LMO7: variants seen among roughly 807,000 people sequenced by gnomAD.
LMO7 encodes the protein LIM domain only protein 7.
A neutral mutation model predicts 206.5 loss-of-function variants in LMO7; 120 were observed. The ratio of observed to expected loss-of-function variants is 0.58; its 90% CI spans 0.50 to 0.68. The LOEUF (loss-of-function observed/expected upper bound fraction) is 0.68, where lower values mean the gene tolerates loss of function less well. Ranked by LOEUF, LMO7 falls within the 30% of genes least tolerant of loss-of-function variation. The pLI is 0.00. For missense variants in LMO7, 1,959 were observed against 1,957.9 expected, an observed-to-expected ratio of 1.00 and a Z score of -0.01; for synonymous variants, 706 against 681.5, an observed-to-expected ratio of 1.04 and a Z score of -0.56.
intron 12 of LMO7, among the ~76,000 whole-genome samples, 155 bp downstream of exon 12, chr13:75,817,433 CT>C (rs200999866): frequency 6.9e-4 from 104 of 151,320 alleles, no homozygotes; most frequent in Admixed American, 1.4e-3. Flanking sequence ...ATTTTTAAAC[CT>C]TTTTTTTTCT....
rs1415343558 is a variant in LMO7 at position 75,824,743 on chromosome 13, C to A, written c.2949+870C>A. ...TGGTTTAGTATTCCCTGTTGCCCTG[C>A]AAAACATTAAGTGTGTATTATATAC... On this transcript the variant is annotated intron_variant, in intron 15 of 30. Coordinates refer to ENST00000377534, the MANE Select transcript of LMO7 (RefSeq NM_001306080.2). 2.0e-5 allele frequency among the ~76,000 whole-genome samples: 3 copies of A among 151,878 alleles called. No individual in the cohort carries two copies. In the East Asian group the frequency reaches 5.8e-4, roughly 29 times the overall value.
At chr13:75,751,137 CTTTTTTCAGCTCTTTTT>C (rs2047232713) in intron 3 of LMO7, among the ~76,000 whole-genome samples, 1 of 111,086 alleles carries the variant, frequency 9.0e-6, no homozygotes, top group South Asian at 3.3e-4. Flanking sequence ...GTACTCAGCT[CTTTTTTCAGCTCTTTTT>C]TTTTTTTTTT....
In LMO7 at chr13:75,683,227, C is replaced by T. The variant is rs181664016; in HGVS notation, c.70-29955C>T. Among the ~76,000 whole-genome samples the T allele has an allele frequency of 4.7e-3, 711 of 152,086 alleles. 5 individuals carry two copies. Among genetic ancestry groups the T allele is most frequent in the Non-Finnish European group, 6.8e-3 (464 of 67,990 alleles). ...GTAAAAGTTTTAATTTGGATGAAATCCAGTTCATCTCTTTTCCCCTTCTAT... is the reference window on the plus strand; with the variant it reads ...GTAAAAGTTTTAATTTGGATGAAATTCAGTTCATCTCTTTTCCCCTTCTAT... On this transcript the variant is annotated intron_variant, in intron 1 of 30. Transcript: ENST00000377534.
intron 2 of LMO7, among the ~76,000 whole-genome samples, chr13:75,723,560 G>C (rs2044212522): frequency 6.6e-6 from 1 of 152,164 alleles, no homozygotes; most frequent in African/African-American, 2.4e-5. Context: ...ATTAGAAATA[G>C]AGCATCAAAT....
At chr13:75,833,999 C>A (rs908487923) in intron 16 of LMO7, among the ~76,000 whole-genome samples, 1 of 152,022 alleles carries the variant, frequency 6.6e-6, no homozygotes, top group Non-Finnish European at 1.5e-5. Context: ...ATGAGTTTAT[C>A]ATTTTTCCTT....
intron 23 of LMO7, 90 bp from the exon 24 acceptor site, chr13:75,841,538 G>T: frequency 2.2e-6 from 2 of 924,172 alleles, no homozygotes; most frequent in Non-Finnish European, 3.3e-6. Context: ...ACTATAGTTA[G>T]TAGCATCTAA....
At chr13:75,808,435 A>G (rs921382157) in intron 10 of LMO7, among the ~76,000 whole-genome samples, 1 of 152,222 alleles carries the variant, frequency 6.6e-6, no homozygotes, top group East Asian at 1.9e-4. Flanking sequence ...CTGTATATAC[A>G]TAAACCTTGC....
intron 4 of LMO7, among the ~76,000 whole-genome samples, chr13:75,779,751 T>C (rs1338093255): frequency 6.6e-6 from 1 of 152,188 alleles, no homozygotes; most frequent in Non-Finnish European, 1.5e-5. Flanking sequence ...GACAAGTAGC[T>C]TTATACAAGT....
intron 1 of LMO7, among the ~76,000 whole-genome samples, chr13:75,664,102 C>T (rs1267899011): frequency 6.6e-6 from 1 of 152,052 alleles, no homozygotes; most frequent in Non-Finnish European, 1.5e-5. Flanking sequence ...TTTTTTGTAA[C>T]CATTAACCGT....
chr13:75,670,996 T>G (rs118022095), intron 1 of LMO7, among the ~76,000 whole-genome samples: 1,967 of 150,324 alleles, frequency 0.013, 27 homozygotes, highest in Non-Finnish European at 0.022. Context: ...TATTTAAACT[T>G]TCTTGTTAAA....
At chr13:75,786,463 C>T (rs981522765) in intron 4 of LMO7, among the ~76,000 whole-genome samples, 1 of 151,848 alleles carries the variant, frequency 6.6e-6, no homozygotes, top group African/African-American at 2.4e-5. Flanking sequence ...CAAGCTCCAC[C>T]TCCCAAGTTC....
At chr13:75,717,260 G>A (rs2043621538) in intron 2 of LMO7, among the ~76,000 whole-genome samples, 1 of 151,432 alleles carries the variant, frequency 6.6e-6, no homozygotes, top group South Asian at 2.1e-4. Context: ...CTACTCGGGA[G>A]GCTGAGGCAG....
At chr13:75,729,892 G>C (rs902615899) in intron 3 of LMO7, among the ~76,000 whole-genome samples, 5 of 151,380 alleles carry the variant, frequency 3.3e-5, no homozygotes, top group African/African-American at 1.2e-4. Context: ...TAATCATGTG[G>C]TTTTTGTCTT....
intron 1 of LMO7, among the ~76,000 whole-genome samples, chr13:75,693,883 G>A (rs2041694368): frequency 6.6e-6 from 1 of 152,086 alleles, no homozygotes; most frequent in African/African-American, 2.4e-5. Context: ...GTCTCTCATT[G>A]TACCTAAAGT....
At chr13:75,851,565 A>C (rs2060507533) in intron 27 of LMO7, among the ~76,000 whole-genome samples, 1 of 152,194 alleles carries the variant, frequency 6.6e-6, no homozygotes, top group East Asian at 1.9e-4. Flanking sequence ...ATAATGTTAA[A>C]ATTTAAAAGA....
intron 4 of LMO7, among the ~76,000 whole-genome samples, chr13:75,766,148 C>T (rs1422733151): frequency 6.6e-6 from 1 of 151,222 alleles, no homozygotes; most frequent in Non-Finnish European, 1.5e-5. Flanking sequence ...AGAGATTCTT[C>T]TTTCAAATGA....
chr13:75,821,852 A>G (rs764778752), intron 14 of LMO7, among the ~76,000 whole-genome samples: 1 of 152,198 alleles, frequency 6.6e-6, no homozygotes, highest in Non-Finnish European at 1.5e-5. Context: ...AATGAATAAG[A>G]TATATTCTAA....
intron 1 of LMO7, among the ~76,000 whole-genome samples, chr13:75,678,414 T>A (rs2040207882): frequency 6.6e-6 from 1 of 152,234 alleles, no homozygotes; most frequent in Admixed American, 6.5e-5. Flanking sequence ...TTTTCATGTG[T>A]CTTTTGGCTG....
At chr13:75,646,853 G>C (rs2037071311) in intron 1 of LMO7, among the ~76,000 whole-genome samples, 2 of 152,160 alleles carry the variant, frequency 1.3e-5, no homozygotes, top group Admixed American at 1.3e-4. Context: ...CCAAAGTGCT[G>C]GGATTACAGG....
Sources: allele counts gnomAD v4.1 joint callset (sites outside exome capture counted in the v4.1 genomes callset), GRCh38; gene constraint gnomAD v4.1.1; transcripts MANE v1.5; gene names NCBI Gene and HGNC (gene_info 2026-07-23, HGNC 2026-07-21).